The following HOXB4 variants were observed in gnomAD, a reference collection of about 807,000 sequenced individuals.
HOXB4 encodes the protein homeobox protein Hox-B4.
Under a neutral mutation model 20.0 loss-of-function variants are expected in HOXB4, and 13 were observed. The observed-to-expected ratio is 0.65, with a 90% CI of 0.42 to 1.03. The LOEUF is 1.03. Ranked by LOEUF, HOXB4 falls within the 50% of genes least tolerant of loss-of-function variation. The pLI, the probability that HOXB4 is intolerant of heterozygous loss-of-function variation, is 0.00. For missense variants in HOXB4, 343 were observed against 357.1 expected (o/e 0.96, Z 0.32); for synonymous variants, 173 against 148.9 (o/e 1.16, Z -1.18).
Position 48,577,064 on chromosome 17 carries a change from C to T in HOXB4, c.458-44G>A. The T allele has an allele frequency of 2.0e-6, 3 of 1,509,674 alleles. 1 individual carries two copies. In the South Asian group the frequency reaches 3.9e-5, roughly 20 times the overall value. 93.5% of individuals were successfully genotyped at this position (1,509,674 alleles called of 1,614,324 possible). On this transcript the variant is annotated intron_variant, in intron 1 of 1. Transcript: ENST00000332503. ...AGGGAGAAAGAGAAAGTTTTATTGCCCCCGAAAGAGAGAGTCCTTTCTTCC... is the reference window on the plus strand; with the variant it reads ...AGGGAGAAAGAGAAAGTTTTATTGCTCCCGAAAGAGAGAGTCCTTTCTTCC...
At position 48,576,705 on chromosome 17, in the gene HOXB4, T is replaced by G; in HGVS notation, c.*17A>C. 5 of 1,297,108 alleles carry G rather than the reference T, an allele frequency of 3.9e-6. No homozygotes were observed. The highest frequency in any genetic ancestry group is 5.1e-6 in the Non-Finnish European group (5 of 985,900). 80.3% of individuals were successfully genotyped at this position (1,297,108 alleles called of 1,614,324 possible). A position where few individuals can be genotyped will look rare whatever the true frequency, so the allele number is the denominator to read the frequency against. ...CCACCCCCACCCCGAGGTTCGTGGC[T>G]CCCGCGTGCGGGGGCACTAGAGCGC... On this transcript the variant is annotated 3_prime_UTR_variant, in exon 2 of 2. Coordinates refer to ENST00000332503, the MANE Select transcript of HOXB4 (RefSeq NM_024015.5).
chr17:48,577,524 G>T lies in HOXB4; in HGVS notation c.457+339C>A, dbSNP rs185125740. On this transcript the variant is annotated intron_variant, in intron 1 of 1. Coordinates refer to ENST00000332503, the MANE Select transcript of HOXB4 (RefSeq NM_024015.5). ...TGACTCAACTCTCTGCTTAAATACG[G>T]ATTACCTCCTCCTCCTTCTCCTCCT... 2.0e-5 allele frequency among the ~76,000 whole-genome samples: 3 copies of T among 152,250 alleles called. No individual in the cohort carries two copies. The East Asian group carries it at 5.8e-4, about 29-fold the overall frequency.
Position 48,576,647 on chromosome 17 carries a change from C to CTT in HOXB4, c.*74_*75insAA. ...GGGGCCCAGGCCCCAGGGCCCCCTC[C>CTT]TGTCCCCCCACCCCATCCCCTGCAC... On this transcript the variant is annotated 3_prime_UTR_variant, in exon 2 of 2. Coordinates refer to ENST00000332503, the MANE Select transcript of HOXB4 (RefSeq NM_024015.5). The CTT allele has an allele frequency of 1.0e-6, 1 of 988,930 alleles. No homozygotes were observed. The highest frequency in any genetic ancestry group is 1.4e-6 in the Non-Finnish European group (1 of 732,884). The allele number at this position is 988,930 out of a possible 1,614,324, so 61.3% of individuals were successfully genotyped here.
Position 48,577,033 on chromosome 17 carries a change from G to A in HOXB4, c.458-13C>T, listed in dbSNP as rs2069787593. On this transcript the variant is annotated splice_polypyrimidine_tract_variant and intron_variant, in intron 1 of 1. Transcript: ENST00000332503. The stretch of plus-strand genomic sequence containing the variant: ...TAATTGGGGTTTACTGGACACACAC[G>A]GAGAGAGGGAGAAAGAGAAAGTTTT... 3.2e-6 allele frequency: 5 copies of A among 1,559,986 alleles called. No individual in the cohort carries two copies. The highest frequency in any genetic ancestry group is 3.5e-6 in the Non-Finnish European group (4 of 1,153,556).
rs1190034807 is a variant in HOXB4 at position 48,575,652 on chromosome 17, G to C, written c.*1070C>G. The C allele has an allele frequency of 6.6e-6, 1 of 151,190 alleles. No homozygotes were observed. The highest frequency in any genetic ancestry group is 1.9e-4 in the East Asian group (1 of 5,134). 9.4% of individuals were successfully genotyped at this position (151,190 alleles called of 1,614,324 possible). Reference sequence around the variant, plus strand: ...GGAATGTCAGAAAGAGAAAAGGAGAGAGGACTCACATGACACAAAAAAATA... The same window carrying C: ...GGAATGTCAGAAAGAGAAAAGGAGACAGGACTCACATGACACAAAAAAATA... On this transcript the variant is annotated 3_prime_UTR_variant, in exon 2 of 2. Coordinates refer to ENST00000332503, the MANE Select transcript of HOXB4 (RefSeq NM_024015.5).
At position 48,576,661 on chromosome 17, in the gene HOXB4, C is replaced by CCAACCCAGCCCA; in HGVS notation, c.*60_*61insTGGGCTGGGTTG. Reference sequence around the variant, plus strand: ...AGGGCCCCCTCCTGTCCCCCCACCCCATCCCCTGCACTCACTGCCCACCCC... The same window carrying CCAACCCAGCCCA: ...AGGGCCCCCTCCTGTCCCCCCACCCCCAACCCAGCCCAATCCCCTGCACTCACTGCCCACCCC... On this transcript the variant is annotated 3_prime_UTR_variant, in exon 2 of 2. Transcript: ENST00000332503. The CCAACCCAGCCCA allele has an allele frequency of 1.1e-6, 1 of 918,220 alleles. No individual in the cohort carries two copies. The highest frequency in any genetic ancestry group is 1.5e-6 in the Non-Finnish European group (1 of 663,678). The allele number at this position is 918,220 out of a possible 1,614,324, so 56.9% of individuals were successfully genotyped here.
chr17:48,578,033 G>A lies in HOXB4; in HGVS notation c.287C>T (p.Pro96Leu). The A allele has an allele frequency of 2.4e-6, 3 of 1,246,598 alleles. No homozygotes were observed. The highest frequency in any genetic ancestry group is 7.7e-5 in the South Asian group (2 of 25,808). The allele number at this position is 1,246,598 out of a possible 1,614,324, so 77.2% of individuals were successfully genotyped here. The part of the protein sequence containing the change: ...PPGLSPRAPA[P>L]PPAGALLPEP... Reference sequence around the variant, plus strand: ...CGGGAGGAGGGCCCCGGCGGGTGGCGGCGCAGGAGCCCGAGGGGACAGACC... The same window carrying A: ...CGGGAGGAGGGCCCCGGCGGGTGGCAGCGCAGGAGCCCGAGGGGACAGACC... Residue 96 changes from proline to leucine, a missense_variant, in exon 1 of 2, where the codon CCG becomes CTG. Physicochemically the swap from Pro to Leu is moderately conservative, Grantham distance 98. This residue lies in a region of HOXB4 where 241 missense variants were observed against 222.0 expected (regional missense o/e 1.09). Coordinates refer to ENST00000332503, the MANE Select transcript of HOXB4 (RefSeq NM_024015.5).
Position 48,578,225 on chromosome 17 carries a change from T to A in HOXB4, c.95A>T (p.Asp32Val). 1.9e-6 allele frequency: 3 copies of A among 1,613,934 alleles called. No homozygotes were observed. The South Asian group carries it at 3.3e-5, about 18-fold the overall frequency. ...EYSQSDYLPS[D>V]HSPGYYAGGQ... ...GCCGGCGTAGTACCCGGGCGAGTGGTCGCTGGGTAGGTAATCGCTCTGTGA... is the reference window on the plus strand; with the variant it reads ...GCCGGCGTAGTACCCGGGCGAGTGGACGCTGGGTAGGTAATCGCTCTGTGA... The change falls in exon 1 of 2, where the codon GAC (aspartate) becomes GTC (valine). Residue 32 changes from aspartate (D) to valine (V), a missense_variant. Asp to Val is a radical substitution (Grantham distance 152, BLOSUM62 -3). Coordinates refer to ENST00000332503, the MANE Select transcript of HOXB4 (RefSeq NM_024015.5).
chr17:48,577,816 T>C lies in HOXB4; in HGVS notation c.457+47A>G, dbSNP rs187188313. 7.2e-4 allele frequency: 980 copies of C among 1,364,356 alleles called. 6 individuals carry two copies. The African/African-American group carries it at 0.013, about 19-fold the overall frequency. The allele number at this position is 1,364,356 out of a possible 1,614,324, so 84.5% of individuals were successfully genotyped here. A position where few individuals can be genotyped will look rare whatever the true frequency, so the allele number is the denominator to read the frequency against. On this transcript the variant is annotated intron_variant, in intron 1 of 1. Coordinates refer to ENST00000332503, the MANE Select transcript of HOXB4 (RefSeq NM_024015.5). ...ACCCATGCCTCCGAAGTCCCTTTGG[T>C]GTAAAGCTCCAGGGGTGGGAGGGGG...
Position 48,576,532 on chromosome 17 carries a change from C to CT in HOXB4, c.*189dup, listed in dbSNP as rs550974918. 29 of 462,276 alleles carry CT rather than the reference C, an allele frequency of 6.3e-5. No individual in the cohort carries two copies. The East Asian group carries it at 9.7e-4, about 16-fold the overall frequency. The allele number at this position is 462,276 out of a possible 1,614,324, so 28.6% of individuals were successfully genotyped here. A position where few individuals can be genotyped will look rare whatever the true frequency, so the allele number is the denominator to read the frequency against. ...TCTGGGGGGGCCTCCCCGTGGCCCT[C>CT]TATTGTCATTTCTATAAATAAAGCT... On this transcript the variant is annotated 3_prime_UTR_variant, in exon 2 of 2. Coordinates refer to ENST00000332503, the MANE Select transcript of HOXB4 (RefSeq NM_024015.5).
chr17:48,575,624 T>G lies in HOXB4; in HGVS notation c.*1098A>C, dbSNP rs1297804030. 1.3e-5 allele frequency: 2 copies of G among 152,392 alleles called. No individual in the cohort carries two copies. Among genetic ancestry groups the G allele is most frequent in the Admixed American group, 1.3e-4 (2 of 15,276 alleles). 9.4% of individuals were successfully genotyped at this position (152,392 alleles called of 1,614,324 possible). A position where few individuals can be genotyped will look rare whatever the true frequency, so the allele number is the denominator to read the frequency against. On this transcript the variant is annotated 3_prime_UTR_variant, in exon 2 of 2. Transcript: ENST00000332503. Reference sequence around the variant, plus strand: ...CCCCAGAGGTAGGAAGGGGCCTGGTTTTGGAATGTCAGAAAGAGAAAAGGA... The same window carrying G: ...CCCCAGAGGTAGGAAGGGGCCTGGTGTTGGAATGTCAGAAAGAGAAAAGGA...
In HOXB4 at chr17:48,578,081, G is replaced by T; in HGVS notation, c.239C>A (p.Pro80His). The T allele has an allele frequency of 9.5e-7, 1 of 1,054,010 alleles. No individual in the cohort carries two copies. The highest frequency in any genetic ancestry group is 1.2e-6 in the Non-Finnish European group (1 of 816,136). The allele number at this position is 1,054,010 out of a possible 1,614,324, so 65.3% of individuals were successfully genotyped here. The change falls in exon 1 of 2, where the codon CCC becomes CAC. Residue 80 changes from proline to histidine, a missense_variant. By Grantham distance (77) the Pro-to-His change is moderately conservative. Around this residue, in one of 3 missense-constraint regions of HOXB4, gnomAD observed 241 missense variants for 222.0 expected, o/e 1.09. Coordinates refer to ENST00000332503, the MANE Select transcript of HOXB4 (RefSeq NM_024015.5). Reference sequence around the variant, plus strand: ...ACCGGGCGGTGGCGGGGGCGGCGGGGGTGGTGGCGGAGGCGGCGGGGGCCC... The same window carrying T: ...ACCGGGCGGTGGCGGGGGCGGCGGGTGTGGTGGCGGAGGCGGCGGGGGCCC... ...DPGPPPPPPPPPPPPPPPGLS... is the reference protein window; with the variant it reads ...DPGPPPPPPPHPPPPPPPGLS...
In HOXB4 at chr17:48,578,235, G is replaced by C; in HGVS notation, c.85C>G (p.Leu29Val). ...PCEEYSQSDY[L>V]PSDHSPGYYA... Reference sequence around the variant, plus strand: ...TACCCGGGCGAGTGGTCGCTGGGTAGGTAATCGCTCTGTGAATATTCCTCG... The same window carrying C: ...TACCCGGGCGAGTGGTCGCTGGGTACGTAATCGCTCTGTGAATATTCCTCG... The change falls in exon 1 of 2, where the codon CTA (leucine) becomes GTA (valine). Residue 29 changes from leucine to valine, a missense_variant. Transcript: ENST00000332503. 1.2e-6 allele frequency: 2 copies of C among 1,614,066 alleles called. No homozygotes were observed. Among genetic ancestry groups the C allele is most frequent in the Non-Finnish European group, 1.7e-6 (2 of 1,179,968 alleles).
At chr17:48,577,646 C>G (rs1414298117) in intron 1 of HOXB4, among the ~76,000 whole-genome samples, 1 of 152,162 alleles carries the variant, frequency 6.6e-6, no homozygotes, top group Non-Finnish European at 1.5e-5. Context: ...GATGGGGAAC[C>G]TACTTCAAAG....
Position 48,576,899 on chromosome 17 carries a change from C to T in HOXB4, c.579G>A (p.Val193=). 6.2e-7 allele frequency: 1 copy of T among 1,614,264 alleles called. No homozygotes were observed. The highest frequency in any genetic ancestry group is 8.5e-7 in the Non-Finnish European group (1 of 1,180,042). ...AGAGGCAGAGCGCGTGGGCGATCTC[C>T]ACCCTCCGGCGCCGTGTCAGGTAGC... ...YNRYLTRRRR[V]EIAHALCLSE... Residue 193 remains valine (V), a synonymous_variant, in exon 2 of 2, where the codon GTG becomes GTA. Transcript: ENST00000332503.
chr17:48,576,650 T>TGCCC lies in HOXB4; in HGVS notation c.*71_*72insGGGC. 17 of 567,756 alleles carry TGCCC rather than the reference T, an allele frequency of 3.0e-5. No individual in the cohort carries two copies. The highest frequency in any genetic ancestry group is 1.6e-4 in the East Asian group (3 of 19,330). 35.2% of individuals were successfully genotyped at this position (567,756 alleles called of 1,614,324 possible). A position where few individuals can be genotyped will look rare whatever the true frequency, so the allele number is the denominator to read the frequency against. On this transcript the variant is annotated 3_prime_UTR_variant, in exon 2 of 2. Coordinates refer to ENST00000332503, the MANE Select transcript of HOXB4 (RefSeq NM_024015.5). ...GCCCAGGCCCCAGGGCCCCCTCCTG[T>TGCCC]CCCCCCACCCCATCCCCTGCACTCA...
At position 48,577,852 on chromosome 17, in the gene HOXB4, C is replaced by A. The variant is rs775614565; in HGVS notation, c.457+11G>T. Reference sequence around the variant, plus strand: ...AGGGGTGGGAGGGGGAAGGGGTGCCCACGCACTCACCCGTGCTCACGTGAA... The same window carrying A: ...AGGGGTGGGAGGGGGAAGGGGTGCCAACGCACTCACCCGTGCTCACGTGAA... On this transcript the variant is annotated intron_variant, in intron 1 of 1. Coordinates refer to ENST00000332503, the MANE Select transcript of HOXB4 (RefSeq NM_024015.5). 20 of 1,403,020 alleles carry A rather than the reference C, an allele frequency of 1.4e-5. No individual in the cohort carries two copies. Among genetic ancestry groups the A allele is most frequent in the Non-Finnish European group, 1.8e-5 (19 of 1,075,804 alleles). The allele number at this position is 1,403,020 out of a possible 1,614,324, so 86.9% of individuals were successfully genotyped here. A position where few individuals can be genotyped will look rare whatever the true frequency, so the allele number is the denominator to read the frequency against.
Position 48,578,037 on chromosome 17 carries a change from C to T in HOXB4, c.283G>A (p.Ala95Thr). The T allele has an allele frequency of 8.4e-7, 1 of 1,191,522 alleles. No individual in the cohort carries two copies. 73.8% of individuals were successfully genotyped at this position (1,191,522 alleles called of 1,614,324 possible). A position where few individuals can be genotyped will look rare whatever the true frequency, so the allele number is the denominator to read the frequency against. Residue 95 changes from alanine (A) to threonine (T), a missense_variant, in exon 1 of 2, where the codon GCG becomes ACG. Ala to Thr is a moderately conservative substitution (Grantham distance 58, BLOSUM62 0). Around this residue, in one of 3 missense-constraint regions of HOXB4, gnomAD observed 241 missense variants for 222.0 expected, o/e 1.09. Transcript: ENST00000332503. ...AGGAGGGCCCCGGCGGGTGGCGGCGCAGGAGCCCGAGGGGACAGACCGGGC... is the reference window on the plus strand; with the variant it reads ...AGGAGGGCCCCGGCGGGTGGCGGCGTAGGAGCCCGAGGGGACAGACCGGGC... Reference protein sequence around the residue: ...PPPGLSPRAPAPPPAGALLPE... With the variant: ...PPPGLSPRAPTPPPAGALLPE...
At chr17:48,577,420 T>C (rs1188306588) in intron 1 of HOXB4, among the ~76,000 whole-genome samples, 1 of 152,196 alleles carries the variant, frequency 6.6e-6, no homozygotes, top group African/African-American at 2.4e-5. Flanking sequence ...AAGCAGTGCC[T>C]ACCCCTACTG....
Sources: gnomAD v4.1 joint callset for allele counts (sites outside exome capture counted in the v4.1 genomes callset) on GRCh38, gnomAD v4.1.1 for gene constraint, gnomAD v4.1.1 regional missense constraint, MANE v1.5 for transcripts, NCBI Gene and HGNC (gene_info 2026-07-23, HGNC 2026-07-21) for gene names.